The following NUP214 variants were observed in gnomAD, a reference collection of about 807,000 sequenced individuals.
NUP214 encodes nucleoporin 214.
A neutral mutation model predicts 196.2 loss-of-function variants in NUP214; 79 were observed. The ratio of observed to expected loss-of-function variants is 0.40; its 90% confidence interval spans 0.34 to 0.49. The LOEUF is 0.49. NUP214 is among the 20% of genes least tolerant of loss of function. The pLI is 0.58. For synonymous variants in NUP214, 1,020 were observed against 990.5 expected, an observed-to-expected ratio of 1.03 and a Z score of -0.56; for missense variants, 2,468 against 2,539.0, an observed-to-expected ratio of 0.97 and a Z score of 0.60.
chr9:131,215,011 G>T (rs2131079499), intron 30 of NUP214, among the ~76,000 whole-genome samples: 1 of 152,308 alleles, frequency 6.6e-6, no homozygotes, highest in South Asian at 2.1e-4. Flanking sequence ...TGTGAACATG[G>T]AATAGCTTGA....
Position 131,178,312 on chromosome 9 carries a change from T to A in NUP214, c.3321T>A (p.Ala1107=). 6.2e-7 allele frequency: 1 copy of A among 1,609,536 alleles called. No homozygotes were observed. The highest frequency in any genetic ancestry group is 8.5e-7 in the Non-Finnish European group (1 of 1,175,876). ...LRRQMASQAP[A]VNTLTESTLK... ...TTCTCTCTTCTCTGTTTAAATTAGC[T>A]GTAAACACTTTGACTGAATCAACGT... is the stretch of plus-strand genomic sequence containing the variant. Residue 1107 remains alanine (A), a splice_region_variant and synonymous_variant, in exon 24 of 36, where the codon GCT becomes GCA. Coordinates refer to ENST00000359428, the MANE Select transcript of NUP214 (RefSeq NM_005085.4).
Position 131,175,497 on chromosome 9 carries a change from C to T in NUP214, c.3195C>T (p.Ala1065=), listed in dbSNP as rs748252533. 3.1e-6 allele frequency: 5 copies of T among 1,614,190 alleles called. No individual in the cohort carries two copies. The highest frequency in any genetic ancestry group is 4.2e-6 in the Non-Finnish European group (5 of 1,180,034). Residue 1065 remains alanine, a synonymous_variant, in exon 23 of 36, where the codon GCC becomes GCT. Transcript: ENST00000359428. Reference sequence around the variant, plus strand: ...CTAGCAAAATTATTCCTCAAGGGGCCGATAGCACAATGCTTGCCACGAAAA... The same window carrying T: ...CTAGCAAAATTATTCCTCAAGGGGCTGATAGCACAATGCTTGCCACGAAAA... ...TSASKIIPQG[A]DSTMLATKTV...
Position 131,178,324 on chromosome 9 carries a change from G to T in NUP214, c.3333G>T (p.Leu1111Phe), listed in dbSNP as rs1833172832. ...MASQAPAVNTLTESTLKNVPQ... is the reference protein window; with the variant it reads ...MASQAPAVNTFTESTLKNVPQ... ...TGTTTAAATTAGCTGTAAACACTTT[G>T]ACTGAATCAACGTTGAAGAATGTCC... Residue 1111 changes from leucine (L) to phenylalanine (F), a missense_variant, in exon 24 of 36, where the codon TTG (leucine) becomes TTT (phenylalanine). By Grantham distance (22) the Leu-to-Phe change is conservative (BLOSUM62 0). Around this residue, in one of 5 missense-constraint regions of NUP214, gnomAD observed 1,801 missense variants for 1,779.4 expected, o/e 1.01. Coordinates refer to ENST00000359428, the MANE Select transcript of NUP214 (RefSeq NM_005085.4). 1 of 1,613,038 alleles carries T rather than the reference G, an allele frequency of 6.2e-7. No homozygotes were observed. Among genetic ancestry groups the T allele is most frequent in the African/African-American group, 1.3e-5 (1 of 74,904 alleles).
Position 131,234,042 on chromosome 9 carries a change from G to C in NUP214, c.*555G>C, listed in dbSNP as rs1834950721. 3.9e-6 allele frequency: 1 copy of C among 253,578 alleles called. No homozygotes were observed. Among genetic ancestry groups the C allele is most frequent in the Non-Finnish European group, 7.7e-6 (1 of 130,294 alleles). The allele number at this position is 253,578 out of a possible 1,614,324, so 15.7% of individuals were successfully genotyped here. Reference sequence around the variant, plus strand: ...GAGGCAGAGGAAGCCACTCATGCCAGCAGCAGTTGAGTTTCAGAAGCAGCC... The same window carrying C: ...GAGGCAGAGGAAGCCACTCATGCCACCAGCAGTTGAGTTTCAGAAGCAGCC... On this transcript the variant is annotated 3_prime_UTR_variant, in exon 36 of 36. Transcript: ENST00000359428.
chr9:131,166,241 C>T (rs184531936), intron 21 of NUP214, among the ~76,000 whole-genome samples: 277 of 152,238 alleles, frequency 1.8e-3, no homozygotes, highest in Middle Eastern at 0.01. Context: ...ACAATATTTC[C>T]TTGTATTAGA....
At chr9:131,190,422 G>T in intron 26 of NUP214, 1 of 691,140 alleles carries the variant, frequency 1.4e-6, no homozygotes, top group Non-Finnish European at 2.6e-6. Flanking sequence ...ACCATTCATT[G>T]CTGATCATGA....
chr9:131,190,529 C>A (rs1269630555), intron 26 of NUP214: 1 of 670,746 alleles, frequency 1.5e-6, no homozygotes, highest in Non-Finnish European at 2.7e-6. Flanking sequence ...GGAAAACTTC[C>A]CTGAAAGGTG....
intron 17 of NUP214, among the ~76,000 whole-genome samples, chr9:131,157,069 C>T (rs1460305016): frequency 6.6e-6 from 1 of 151,950 alleles, no homozygotes; most frequent in African/African-American, 2.4e-5. Context: ...AATTCCTGGG[C>T]CCAGGTGATC....
intron 23 of NUP214, 107 bp from the exon 24 acceptor site, chr9:131,178,204 C>A: frequency 2.6e-6 from 2 of 758,222 alleles, no homozygotes; most frequent in Non-Finnish European, 2.2e-6. Flanking sequence ...CATGATAAGG[C>A]TCTAATCTGC....
intron 23 of NUP214, among the ~76,000 whole-genome samples, chr9:131,176,742 C>T (rs898616729): frequency 1.3e-5 from 2 of 152,174 alleles, no homozygotes; most frequent in Non-Finnish European, 2.9e-5. Flanking sequence ...CTTTCTACTA[C>T]TTTCTACGTT....
At chr9:131,225,769 T>C (rs1834703544) in intron 32 of NUP214, among the ~76,000 whole-genome samples, 1 of 152,236 alleles carries the variant, frequency 6.6e-6, no homozygotes, top group Admixed American at 6.5e-5. Context: ...TGTCCAGGCA[T>C]CAGGGCACTT....
chr9:131,209,476 C>T (rs992352406), intron 30 of NUP214, among the ~76,000 whole-genome samples: 1 of 152,136 alleles, frequency 6.6e-6, no homozygotes, highest in Non-Finnish European at 1.5e-5. Context: ...CTGCAACCTC[C>T]GACTCCCAGG....
Position 131,151,854 on chromosome 9 carries a change from A to G in NUP214, c.2396A>G (p.Tyr799Cys). 6.2e-7 allele frequency: 1 copy of G among 1,613,270 alleles called. No individual in the cohort carries two copies. Among genetic ancestry groups the G allele is most frequent in the Non-Finnish European group, 8.5e-7 (1 of 1,179,856 alleles). Residue 799 changes from tyrosine to cysteine, a missense_variant, in exon 17 of 36, where the codon TAT (tyrosine) becomes TGT (cysteine). Around this residue, in one of 5 missense-constraint regions of NUP214, gnomAD observed 1,801 missense variants for 1,779.4 expected, o/e 1.01. Transcript: ENST00000359428. ...GACTCTGGTTATCTGCATTTGCTTTATAAAAGACCACTGGATCCCAAGAGT... is the reference window on the plus strand; with the variant it reads ...GACTCTGGTTATCTGCATTTGCTTTGTAAAAGACCACTGGATCCCAAGAGT... ...NRDSGYLHLL[Y>C]KRPLDPKSEA... is the part of the protein sequence containing the mutation.
intron 5 of NUP214, 97 bp from the exon 6 acceptor site, chr9:131,132,499 A>G (rs1831586999): frequency 9.8e-7 from 1 of 1,025,266 alleles, no homozygotes; most frequent in East Asian, 2.4e-5. Flanking sequence ...AGGAGATGGA[A>G]CAGGTAGCAT....
At position 131,215,368 on chromosome 9, in the gene NUP214, A is replaced by C; in HGVS notation, c.5749A>C (p.Asn1917His). Residue 1917 changes from asparagine (N) to histidine (H), a missense_variant and splice_region_variant, in exon 31 of 36, where the codon AAT becomes CAT. Transcript: ENST00000359428. ...SGGFGSTATSNTSNLFGNSGA... is the reference protein window; with the variant it reads ...SGGFGSTATSHTSNLFGNSGA... Reference sequence around the variant, plus strand: ...GGGCTTTGGATCCACAGCTACCTCAAGTAAGTTGAGAAGACTTTTCCCAGT... The same window carrying C: ...GGGCTTTGGATCCACAGCTACCTCACGTAAGTTGAGAAGACTTTTCCCAGT... The C allele has an allele frequency of 6.3e-7, 1 of 1,589,150 alleles. No individual in the cohort carries two copies. Among genetic ancestry groups the C allele is most frequent in the Admixed American group, 1.8e-5 (1 of 56,274 alleles).
intron 21 of NUP214, among the ~76,000 whole-genome samples, chr9:131,170,393 G>A (rs1832922683): frequency 6.6e-6 from 1 of 152,136 alleles, no homozygotes; most frequent in Non-Finnish European, 1.5e-5. Flanking sequence ...ATTGTATTGA[G>A]TCTCTAGATC....
Position 131,139,331 on chromosome 9 carries a change from T to C in NUP214, c.1056T>C (p.Pro352=), listed in dbSNP as rs1831839629. 2 of 1,597,820 alleles carry C rather than the reference T, an allele frequency of 1.3e-6. No homozygotes were observed. Among genetic ancestry groups the C allele is most frequent in the Admixed American group, 1.7e-5 (1 of 57,742 alleles). ...AGGATTCTAGTCGAGCTGAATTGCC[T>C]GTGACAGACAAGAGTGATGACTCCT... ...LLEDSSRAEL[P]VTDKSDDSLP... Residue 352 remains proline (P), a synonymous_variant, in exon 10 of 36, where the codon CCT becomes CCC. Coordinates refer to ENST00000359428, the MANE Select transcript of NUP214 (RefSeq NM_005085.4).
chr9:131,198,356 C>G lies in NUP214; in HGVS notation c.4862C>G (p.Thr1621Arg). ...TSSTPIASST[T>R]SIVAPGPSAE... is the part of the protein sequence containing the mutation. ...AGTACCCCCATAGCCTCCAGCACCACGTCCATTGTTGCTCCCGGCCCATCT... is the reference window on the plus strand; with the variant it reads ...AGTACCCCCATAGCCTCCAGCACCAGGTCCATTGTTGCTCCCGGCCCATCT... The change falls in exon 29 of 36, where the codon ACG (threonine) becomes AGG (arginine). Residue 1621 changes from threonine to arginine, a missense_variant. By Grantham distance (71) the Thr-to-Arg change is moderately conservative. Transcript: ENST00000359428. 1.2e-6 allele frequency: 2 copies of G among 1,614,238 alleles called. No individual in the cohort carries two copies. The highest frequency in any genetic ancestry group is 1.7e-6 in the Non-Finnish European group (2 of 1,180,042).
chr9:131,215,232 T>A lies in NUP214; in HGVS notation c.5613T>A (p.Gly1871=). 6.4e-7 allele frequency: 1 copy of A among 1,566,036 alleles called. No homozygotes were observed. Residue 1871 remains glycine, a synonymous_variant, in exon 31 of 36, where the codon GGT becomes GGA. Transcript: ENST00000359428. ...VFGQQSSSSS[G]SVFGSGNTGR... The stretch of plus-strand genomic sequence containing the variant: ...TTTAGCAATCATCCTCTTCCAGTGG[T>A]AGCGTGTTTGGGTCTGGAAACACTG...
Sources: allele counts gnomAD v4.1 joint callset (sites outside exome capture counted in the v4.1 genomes callset), GRCh38; gene constraint gnomAD v4.1.1; regional missense constraint gnomAD v4.1.1; transcripts MANE v1.5; gene names NCBI Gene and HGNC (gene_info 2026-07-23, HGNC 2026-07-21).